APPL2: variants seen among roughly 807,000 people sequenced by gnomAD.
The protein encoded by APPL2 is DCC-interacting protein 13-beta.
Under a neutral mutation model 92.7 loss-of-function variants are expected in APPL2, and 84 were observed. The observed-to-expected ratio is 0.91, with a 90% CI of 0.76 to 1.09. The LOEUF (loss-of-function observed/expected upper bound fraction) is 1.09. APPL2 is among the 50% of genes least tolerant of loss of function. The pLI is 0.00. For missense variants in APPL2, 736 were observed against 824.5 expected (o/e 0.89, Z 1.31); for synonymous variants, 291 against 291.0 (o/e 1.00, Z 0.00).
At chr12:105,177,302 T>A in intron 17 of APPL2, 40 bp from the exon 18 acceptor site, 2 of 1,573,860 alleles carry the variant, frequency 1.3e-6, no homozygotes, top group Non-Finnish European at 1.7e-6. Context: ...AAATGTTGGA[T>A]AAATTTAATA....
At chr12:105,230,896 A>G (rs1890873583) in intron 1 of APPL2, among the ~76,000 whole-genome samples, 1 of 152,262 alleles carries the variant, frequency 6.6e-6, no homozygotes, top group Non-Finnish European at 1.5e-5. Context: ...AAAAGCTCTC[A>G]GTGAAAGAAA....
chr12:105,209,467 T>C (rs532572444), intron 5 of APPL2, among the ~76,000 whole-genome samples: 1 of 152,370 alleles, frequency 6.6e-6, no homozygotes, highest in South Asian at 2.1e-4. Context: ...TCTGGATTAA[T>C]GGAGGCCACT....
intron 5 of APPL2, among the ~76,000 whole-genome samples, chr12:105,210,044 T>C (rs1382026698): frequency 6.6e-6 from 1 of 151,840 alleles, no homozygotes; most frequent in Non-Finnish European, 1.5e-5. Flanking sequence ...CACTGCAACC[T>C]CCACCTCCCG....
intron 2 of APPL2, among the ~76,000 whole-genome samples, chr12:105,222,238 AACTCAGGC>A (rs947560584): frequency 4.6e-5 from 7 of 152,154 alleles, no homozygotes; most frequent in African/African-American, 1.7e-4. Flanking sequence ...AGCACCAAGG[AACTCAGGC>A]AGGAGTATGA....
intron 4 of APPL2, among the ~76,000 whole-genome samples, chr12:105,213,876 A>G (rs1889422255): frequency 6.6e-6 from 1 of 152,204 alleles, no homozygotes; most frequent in Non-Finnish European, 1.5e-5. Flanking sequence ...CCAGGGTGCC[A>G]TGATACTACC....
chr12:105,188,359 C>T lies in APPL2; in HGVS notation c.1548G>A (p.Ala516=), dbSNP rs775531118. The T allele has an allele frequency of 1.1e-5, 18 of 1,614,176 alleles. No homozygotes were observed. Among genetic ancestry groups the T allele is most frequent in the South Asian group, 2.2e-5 (2 of 91,086 alleles). ...CCCGAGCAGCCAATACTTGTCTCAT[C>T]GCTTCATAAATCACTTCAGTAGTGC... ...TDSTTEVIYE[A]MRQVLAARAI... Residue 516 remains alanine, a synonymous_variant, in exon 17 of 21, where the codon GCG becomes GCA. Coordinates refer to ENST00000258530, the MANE Select transcript of APPL2 (RefSeq NM_018171.5).
intron 4 of APPL2, 55 bp from the exon 5 acceptor site, chr12:105,211,372 T>TA: frequency 7.7e-7 from 1 of 1,301,736 alleles, no homozygotes; most frequent in South Asian, 1.2e-5. Context: ...ATTATTGACA[T>TA]AGTCTCATTT....
At chr12:105,195,930 CTG>C (rs1887601840) in intron 11 of APPL2, among the ~76,000 whole-genome samples, 1 of 152,010 alleles carries the variant, frequency 6.6e-6, no homozygotes, top group Non-Finnish European at 1.5e-5. Flanking sequence ...TGGCGTGTGC[CTG>C]TAGTCCTAGC....
intron 9 of APPL2, among the ~76,000 whole-genome samples, chr12:105,202,449 AAAT>A (rs1201863312): frequency 6.6e-6 from 1 of 152,250 alleles, no homozygotes; most frequent in East Asian, 1.9e-4. Context: ...CCCATTCAGA[AAAT>A]AATCAGGTGT....
At chr12:105,204,363 G>A (rs183983869) in intron 8 of APPL2, among the ~76,000 whole-genome samples, 1 of 152,146 alleles carries the variant, frequency 6.6e-6, no homozygotes, top group Non-Finnish European at 1.5e-5. Context: ...TCCTGGCATG[G>A]CGGGCACCAA....
rs1288386129 is a variant in APPL2 at position 105,190,034 on chromosome 12, C to T, written c.1363G>A (p.Val455Met). 7.4e-6 allele frequency: 12 copies of T among 1,614,066 alleles called. No homozygotes were observed. Among genetic ancestry groups the T allele is most frequent in the Non-Finnish European group, 1.0e-5 (12 of 1,180,040 alleles). The change falls in exon 15 of 21, where the codon GTG (valine) becomes ATG (methionine). Residue 455 changes from valine (V) to methionine (M), a missense_variant. Transcript: ENST00000258530. ...TCAAGGAATTCTGTAGCAGGAAGCA[C>T]AATATCGAATTGAATCGGCGTTCCA... ...APGTPIQFDI[V>M]LPATEFLDQN...
In APPL2 at chr12:105,229,174, T is replaced by C. The variant is rs759820561; in HGVS notation, c.104A>G (p.Asp35Gly). Residue 35 changes from aspartate to glycine, a missense_variant, in exon 2 of 21, where the codon GAC (aspartate) becomes GGC (glycine). Physicochemically the swap from Asp to Gly is moderately conservative, Grantham distance 94 (BLOSUM62 -1). Coordinates refer to ENST00000258530, the MANE Select transcript of APPL2 (RefSeq NM_018171.5). ...VFEEDAGTLT[D>G]YTNQLLQAMQ... ...TGCCTGGAGCAGCTGGTTGGTATAGTCTGTGAGGGTGCCAGCATCTTCTTC... is the reference window on the plus strand; with the variant it reads ...TGCCTGGAGCAGCTGGTTGGTATAGCCTGTGAGGGTGCCAGCATCTTCTTC... The C allele has an allele frequency of 7.4e-6, 12 of 1,613,778 alleles. No homozygotes were observed. The highest frequency in any genetic ancestry group is 1.0e-5 in the Non-Finnish European group (12 of 1,179,904).
Position 105,195,255 on chromosome 12 carries a change from A to G in APPL2, c.1241+6T>C, listed in dbSNP as rs1428221221. On this transcript the variant is annotated splice_donor_region_variant and intron_variant, in intron 14 of 20. Coordinates refer to ENST00000258530, the MANE Select transcript of APPL2 (RefSeq NM_018171.5). The stretch of plus-strand genomic sequence containing the variant: ...AAAAGCTAGTTTTTCTTTGTCCTTT[A>G]GTTACCTGGGGCATGAGCTTTCTTG... The G allele has an allele frequency of 3.7e-6, 6 of 1,613,894 alleles. No homozygotes were observed. In the South Asian group the frequency reaches 5.5e-5, roughly 15 times the overall value.
rs146420641 is a variant in APPL2 at position 105,197,780 on chromosome 12, G to A, written c.1037C>T (p.Thr346Met). The A allele has an allele frequency of 4.1e-5, 66 of 1,614,202 alleles. No individual in the cohort carries two copies. The highest frequency in any genetic ancestry group is 3.7e-4 in the African/African-American group (28 of 75,056). Reference protein sequence around the residue: ...EDRRYCFQITTPNGKSGIILQ... With the variant: ...EDRRYCFQITMPNGKSGIILQ... ...TGAAACATACGATTTTCCATTGGGCGTGGTGATCTGGAAGCAGTAGCGCCG... is the reference window on the plus strand; with the variant it reads ...TGAAACATACGATTTTCCATTGGGCATGGTGATCTGGAAGCAGTAGCGCCG... Residue 346 changes from threonine (T) to methionine (M), a missense_variant, in exon 11 of 21, where the codon ACG (threonine) becomes ATG (methionine). Transcript: ENST00000258530.
At chr12:105,177,127 G>A in intron 18 of APPL2, 99 bp downstream of exon 18, 1 of 1,594,054 alleles carries the variant, frequency 6.3e-7, no homozygotes, top group Non-Finnish European at 8.6e-7. Context: ...TCCTATTAGT[G>A]GCAGATCTTT....
intron 8 of APPL2, 77 bp from the exon 9 acceptor site, chr12:105,203,862 G>T: frequency 7.6e-7 from 1 of 1,319,096 alleles, no homozygotes; most frequent in Non-Finnish European, 1.1e-6. Context: ...GAGACAGGCA[G>T]CGTGAGGGCA....
chr12:105,187,791 A>C (rs1419300959), intron 17 of APPL2, among the ~76,000 whole-genome samples: 1 of 152,190 alleles, frequency 6.6e-6, no homozygotes, highest in African/African-American at 2.4e-5. Flanking sequence ...CTGTGGCTAC[A>C]GTATCATACA....
rs1889806377 is a variant in APPL2 at position 105,217,747 on chromosome 12, C to A, written c.154-22G>T. 2.5e-6 allele frequency: 4 copies of A among 1,611,590 alleles called. No individual in the cohort carries two copies. In the East Asian group the frequency reaches 8.9e-5, roughly 36 times the overall value. On this transcript the variant is annotated intron_variant, in intron 2 of 20. Transcript: ENST00000258530. ...CATTCTGTGGAGAGAAGAGAAAAAGCAAGTAAGATTAGTCCAATGTATACA... is the reference window on the plus strand; with the variant it reads ...CATTCTGTGGAGAGAAGAGAAAAAGAAAGTAAGATTAGTCCAATGTATACA...
chr12:105,178,881 T>A (rs1319972847), intron 17 of APPL2, among the ~76,000 whole-genome samples: 1 of 152,256 alleles, frequency 6.6e-6, no homozygotes, highest in African/African-American at 2.4e-5. Flanking sequence ...TGGAATAACT[T>A]TCATAGGTAT....
Sources: allele counts gnomAD v4.1 joint callset (sites outside exome capture counted in the v4.1 genomes callset), GRCh38; gene constraint gnomAD v4.1.1; transcripts MANE v1.5; gene names NCBI Gene and HGNC (gene_info 2026-07-23, HGNC 2026-07-21).